The following PMEL variants were observed in gnomAD, a reference collection of about 807,000 sequenced individuals.
The protein encoded by PMEL is premelanosome protein.
In PMEL, 53 loss-of-function variants were observed where a neutral mutation model predicts 64.9. That is an observed-to-expected ratio of 0.82 (90% CI 0.66 to 1.03). PMEL has a LOEUF of 1.03. PMEL is among the 50% of genes least tolerant of loss of function. PMEL has a pLI of 0.00. For synonymous variants in PMEL, 299 were observed against 316.2 expected, an observed-to-expected ratio of 0.95 and a Z score of 0.58; for missense variants, 716 against 814.9, an observed-to-expected ratio of 0.88 and a Z score of 1.48.
chr12:55,955,205 C>T (rs1888812748), intron 10 of PMEL, 69 bp downstream of exon 10: 16 of 1,149,090 alleles, frequency 1.4e-5, no homozygotes, highest in South Asian at 2.5e-5. Flanking sequence ...GGTTTCTTCT[C>T]CCCTTGAGGA....
intron 10 of PMEL, among the ~76,000 whole-genome samples, chr12:55,954,770 G>A (rs1175746227): frequency 1.3e-5 from 2 of 152,174 alleles, no homozygotes; most frequent in African/African-American, 2.4e-5. Flanking sequence ...CAGGTGTGGT[G>A]GCAGGTGCCT....
At position 55,954,500 on chromosome 12, in the gene PMEL, C is replaced by G. The variant is rs1419684811; in HGVS notation, c.1851-151G>C. On this transcript the variant is annotated intron_variant, in intron 10 of 10. Coordinates refer to ENST00000548747, the MANE Select transcript of PMEL (RefSeq NM_001384361.1). ...TCCTCACCTCCAGGGTTTACCCTCT[C>G]TTATTTCTGTGGTAACCTCTGTCCA... is the stretch of plus-strand genomic sequence containing the variant. 3.9e-6 allele frequency: 3 copies of G among 767,838 alleles called. No homozygotes were observed. The East Asian group carries it at 8.1e-5, about 21-fold the overall frequency. The allele number at this position is 767,838 out of a possible 1,614,324, so 47.6% of individuals were successfully genotyped here. A position where few individuals can be genotyped will look rare whatever the true frequency, so the allele number is the denominator to read the frequency against.
chr12:55,960,655 G>A (rs956388463), intron 3 of PMEL, among the ~76,000 whole-genome samples: 1 of 138,518 alleles, frequency 7.2e-6, no homozygotes, highest in Non-Finnish European at 1.5e-5. Flanking sequence ...CCATTCTCCT[G>A]TCTCAGCCTC....
At position 55,957,030 on chromosome 12, in the gene PMEL, C is replaced by T; in HGVS notation, c.1273G>A (p.Glu425Lys). ...ATAGGTAGCTCTCTAGCTGTGGTCTCCACCCACTCTGTAGTTGTTACCTGT... is the reference window on the plus strand; with the variant it reads ...ATAGGTAGCTCTCTAGCTGTGGTCTTCACCCACTCTGTAGTTGTTACCTGT... ...AAQVTTTEWV[E>K]TTARELPIPE... Residue 425 changes from glutamate to lysine, a missense_variant, in exon 6 of 11, where the codon GAG becomes AAG. Physicochemically the swap from Glu to Lys is moderately conservative, Grantham distance 56. Transcript: ENST00000548747. The T allele has an allele frequency of 6.2e-7, 1 of 1,614,202 alleles. No individual in the cohort carries two copies. Among genetic ancestry groups the T allele is most frequent in the Non-Finnish European group, 8.5e-7 (1 of 1,180,034 alleles).
chr12:55,961,646 C>T lies in PMEL; in HGVS notation c.163G>A (p.Ala55Thr), dbSNP rs1313754813. The stretch of plus-strand genomic sequence containing the variant: ...CCTCTCCAGCAGTCAAGTCTCTGGG[C>T]TTCTGTCCACTCTGGATACAGCTGC... ...NRQLYPEWTE[A>T]QRLDCWRGGQ... The change falls in exon 2 of 11, where the codon GCC (alanine) becomes ACC (threonine). Residue 55 changes from alanine (A) to threonine (T), a missense_variant. Coordinates refer to ENST00000548747, the MANE Select transcript of PMEL (RefSeq NM_001384361.1). 6.2e-7 allele frequency: 1 copy of T among 1,613,890 alleles called. No individual in the cohort carries two copies. Among genetic ancestry groups the T allele is most frequent in the Non-Finnish European group, 8.5e-7 (1 of 1,179,890 alleles).
Position 55,957,663 on chromosome 12 carries a change from G to T in PMEL, c.640C>A (p.Pro214Thr). The T allele has an allele frequency of 6.2e-7, 1 of 1,610,318 alleles. No individual in the cohort carries two copies. Among genetic ancestry groups the T allele is most frequent in the Non-Finnish European group, 8.5e-7 (1 of 1,178,092 alleles). Reference protein sequence around the residue: ...SSAFTITDQVPFSVSVSQLRA... With the variant: ...SSAFTITDQVTFSVSVSQLRA... ...AACTGGGACACGCTCACGGAGAAAGGCACCTGGTCTGGGATTGGAGCCAGA... is the reference window on the plus strand; with the variant it reads ...AACTGGGACACGCTCACGGAGAAAGTCACCTGGTCTGGGATTGGAGCCAGA... The change falls in exon 6 of 11, where the codon CCT becomes ACT. Residue 214 changes from proline (P) to threonine (T), a missense_variant. Physicochemically the swap from Pro to Thr is conservative, Grantham distance 38 (BLOSUM62 -1). Coordinates refer to ENST00000548747, the MANE Select transcript of PMEL (RefSeq NM_001384361.1).
intron 1 of PMEL, among the ~76,000 whole-genome samples, chr12:55,963,489 A>G (rs1283419334): frequency 3.3e-5 from 5 of 152,236 alleles, no homozygotes; most frequent in Non-Finnish European, 7.3e-5. Flanking sequence ...TTTAAAATGT[A>G]TGAGTATTTT....
In PMEL at chr12:55,956,119, G is replaced by A. The variant is rs1888875711; in HGVS notation, c.1455C>T (p.Val485=). 6.2e-7 allele frequency: 1 copy of A among 1,611,424 alleles called. No homozygotes were observed. The highest frequency in any genetic ancestry group is 8.5e-7 in the Non-Finnish European group (1 of 1,177,536). The part of the protein sequence containing the change: ...CVLYRYGSFS[V]TLDIVQGIES... The stretch of plus-strand genomic sequence containing the variant: ...AAGACTCACGGACAATGTCCAGGGT[G>A]ACGGAAAAGGAACCATATCGATACA... Residue 485 remains valine (V), a synonymous_variant, in exon 7 of 11, where the codon GTC becomes GTT. Coordinates refer to ENST00000548747, the MANE Select transcript of PMEL (RefSeq NM_001384361.1).
chr12:55,957,282 G>T lies in PMEL; in HGVS notation c.1021C>A (p.Pro341Thr). The change falls in exon 6 of 11, where the codon CCA becomes ACA. Residue 341 changes from proline (P) to threonine (T), a missense_variant. By Grantham distance (38) the Pro-to-Thr change is conservative. Coordinates refer to ENST00000548747, the MANE Select transcript of PMEL (RefSeq NM_001384361.1). ...EVVGTTPGQA[P>T]TAEPSGTTSV... ...GTGGTTCCAGAGGGCTCTGCAGTTG[G>T]CGCCTGACCAGGTGTAGTACCCACA... The T allele has an allele frequency of 6.2e-7, 1 of 1,612,730 alleles. No individual in the cohort carries two copies. The highest frequency in any genetic ancestry group is 1.1e-5 in the South Asian group (1 of 91,054).
intron 3 of PMEL, among the ~76,000 whole-genome samples, chr12:55,960,530 G>A (rs1004237169): frequency 6.6e-5 from 9 of 135,656 alleles, no homozygotes; most frequent in African/African-American, 2.4e-4. Context: ...TTTTCTTTTT[G>A]CTTTCTGTTT....
chr12:55,956,853 G>T, intron 6 of PMEL, 96 bp downstream of exon 6: 2 of 1,355,952 alleles, frequency 1.5e-6, no homozygotes, highest in Non-Finnish European at 2.0e-6. Flanking sequence ...ATAGTGCTAA[G>T]CAAAGGATTG....
rs1467110656 is a variant in PMEL at position 55,955,607 on chromosome 12, A to G, written c.1619T>C (p.Leu540Pro). The G allele has an allele frequency of 6.2e-7, 1 of 1,613,846 alleles. No individual in the cohort carries two copies. Among genetic ancestry groups the G allele is most frequent in the Non-Finnish European group, 8.5e-7 (1 of 1,180,018 alleles). Residue 540 changes from leucine to proline, a missense_variant, in exon 9 of 11, where the codon CTG becomes CCG. Physicochemically the swap from Leu to Pro is moderately conservative, Grantham distance 98. Coordinates refer to ENST00000548747, the MANE Select transcript of PMEL (RefSeq NM_001384361.1). ...TGGGCTGGGTAGCACAGGCTGGCAC[A>G]GCCGCTGGGCAGGGGGCTGGCACCC... ...SPGCQPPAQR[L>P]CQPVLPSPAC...
chr12:55,962,552 C>G (rs1449793654), intron 1 of PMEL, among the ~76,000 whole-genome samples: 5 of 95,596 alleles, frequency 5.2e-5, no homozygotes, highest in Non-Finnish European at 7.4e-5. Context: ...GAGATGGAGT[C>G]TCGCTCTGCC....
chr12:55,963,089 G>A lies in PMEL; in HGVS notation c.77-1357C>T, dbSNP rs139417586. 2.9e-3 allele frequency among the ~76,000 whole-genome samples: 442 copies of A among 151,494 alleles called. 2 individuals are homozygous for A. The highest frequency in any genetic ancestry group is 0.01 in the African/African-American group (419 of 41,256). On this transcript the variant is annotated intron_variant, in intron 1 of 10. Coordinates refer to ENST00000548747, the MANE Select transcript of PMEL (RefSeq NM_001384361.1). The stretch of plus-strand genomic sequence containing the variant: ...GGAGAATTGCTTGAACCCAGGAGGC[G>A]GAGGTGGCAGTGAGCCGAGATCACA...
At chr12:55,957,727 C>T in intron 5 of PMEL, 56 bp from the exon 6 acceptor site, 3 of 1,556,348 alleles carry the variant, frequency 1.9e-6, no homozygotes, top group Non-Finnish European at 2.6e-6. Context: ...CTTCTCCTTT[C>T]ACAGCCACAC....
chr12:55,956,027 C>G, intron 7 of PMEL, 76 bp downstream of exon 7: 5 of 1,157,692 alleles, frequency 4.3e-6, no homozygotes, highest in Admixed American at 3.4e-5. Flanking sequence ...TAATTCCTCC[C>G]AAGGTGTGCT....
chr12:55,958,144 G>T, intron 4 of PMEL, 60 bp from the exon 5 acceptor site: 1 of 1,563,252 alleles, frequency 6.4e-7, no homozygotes, highest in Non-Finnish European at 8.8e-7. Flanking sequence ...GGGACTGAGG[G>T]ACAGGCTTCG....
Position 55,957,454 on chromosome 12 carries a change from A to G in PMEL, c.849T>C (p.Pro283=), listed in dbSNP as rs368129213. Residue 283 remains proline, a synonymous_variant, in exon 6 of 11, where the codon CCT becomes CCC. Coordinates refer to ENST00000548747, the MANE Select transcript of PMEL (RefSeq NM_001384361.1). ...ALVVTHTYLE[P]GPVTAQVVLQ... is the part of the protein sequence containing the mutation. ...GGACCACCTGGGCAGTGACTGGGCC[A>G]GGCTCCAGGTAAGTATGAGTGACCA... 6.2e-7 allele frequency: 1 copy of G among 1,613,418 alleles called. No homozygotes were observed. Among genetic ancestry groups the G allele is most frequent in the African/African-American group, 1.3e-5 (1 of 74,882 alleles).
At chr12:55,963,436 G>A (rs1286641147) in intron 1 of PMEL, among the ~76,000 whole-genome samples, 1 of 152,176 alleles carries the variant, frequency 6.6e-6, no homozygotes, top group Non-Finnish European at 1.5e-5. Flanking sequence ...GCTAAAGTAT[G>A]TAAAAGCAAA....
Sources: allele counts gnomAD v4.1 joint callset (sites outside exome capture counted in the v4.1 genomes callset), GRCh38; gene constraint gnomAD v4.1.1; transcripts MANE v1.5; gene names NCBI Gene and HGNC (gene_info 2026-07-23, HGNC 2026-07-21).